The following NOL4 variants were observed in gnomAD, a reference collection of about 807,000 sequenced individuals.
NOL4 encodes nucleolar protein 4.
Under a neutral mutation model 75.9 loss-of-function variants are expected in NOL4, and 17 were observed. That is an observed-to-expected ratio of 0.22 (90% CI 0.15 to 0.34). NOL4 has a LOEUF of 0.34. Among genes scored for constraint, NOL4 ranks in the 10% least tolerant of loss-of-function variants. The pLI is 1.00. For missense variants in NOL4, 614 were observed against 793.5 expected, an observed-to-expected ratio of 0.77 and a Z score of 2.72; for synonymous variants, 292 against 289.9, an observed-to-expected ratio of 1.01 and a Z score of -0.07.
chr18:34,144,520 G>A (rs1392145376), intron 1 of NOL4, among the ~76,000 whole-genome samples: 1 of 152,056 alleles, frequency 6.6e-6, no homozygotes, highest in Non-Finnish European at 1.5e-5. Flanking sequence ...TAATTTGATA[G>A]AAAAACTAAC....
Position 33,864,919 on chromosome 18 carries a change from C to T in NOL4, c.1724-11884G>A, listed in dbSNP as rs115932003. Among the ~76,000 whole-genome samples, 852 of 152,232 alleles carry T rather than the reference C, an allele frequency of 5.6e-3. 1 individual carries two copies. The highest frequency in any genetic ancestry group is 0.019 in the African/African-American group (783 of 41,550). ...AACTGTCAAACACTAACAAAACCAT[C>T]GGATCTCATGAGAACTCACTTACCT... is the stretch of plus-strand genomic sequence containing the variant. On this transcript the variant is annotated intron_variant, in intron 10 of 10. Coordinates refer to ENST00000261592, the MANE Select transcript of NOL4 (RefSeq NM_003787.5).
intron 2 of NOL4, among the ~76,000 whole-genome samples, chr18:34,127,399 T>C (rs918922066): frequency 6.6e-6 from 1 of 151,860 alleles, no homozygotes; most frequent in African/African-American, 2.4e-5. Context: ...TTCTTGGCCA[T>C]GTAGGAAAAA....
chr18:34,076,672 C>T (rs532478900), intron 5 of NOL4, among the ~76,000 whole-genome samples: 15 of 152,138 alleles, frequency 9.9e-5, no homozygotes, highest in Admixed American at 9.2e-4. Flanking sequence ...TCCTCCTATG[C>T]GTCCGAGTTC....
chr18:34,194,465 C>A (rs151291455), intron 1 of NOL4, among the ~76,000 whole-genome samples: 703 of 81,808 alleles, frequency 8.6e-3, no homozygotes, highest in Non-Finnish European at 0.011. Context: ...GGAAGGCAGG[C>A]AGGCAGGCAG....
At chr18:33,900,414 T>A (rs1337820129) in intron 9 of NOL4, among the ~76,000 whole-genome samples, 8 of 152,064 alleles carry the variant, frequency 5.3e-5, no homozygotes, top group East Asian at 3.9e-4. Context: ...TGGACAAATA[T>A]CCAAACCATA....
intron 5 of NOL4, among the ~76,000 whole-genome samples, chr18:34,036,147 A>G (rs925693031): frequency 1.6e-4 from 24 of 152,198 alleles, no homozygotes; most frequent in Non-Finnish European, 1.6e-4. Flanking sequence ...CCCTGATACC[A>G]AAACCAGACA....
chr18:34,005,175 T>A (rs2073964176), intron 6 of NOL4, among the ~76,000 whole-genome samples: 1 of 152,124 alleles, frequency 6.6e-6, no homozygotes, highest in African/African-American at 2.4e-5. Flanking sequence ...GAAGAAATCA[T>A]ATATTGGTTC....
intron 9 of NOL4, among the ~76,000 whole-genome samples, chr18:33,929,816 T>C (rs1042543307): frequency 3.0e-4 from 46 of 152,268 alleles, no homozygotes; most frequent in Non-Finnish European, 6.3e-4. Context: ...TCCTTGTTGA[T>C]ACAGATATAT....
intron 2 of NOL4, among the ~76,000 whole-genome samples, chr18:34,107,586 C>T (rs1443319844): frequency 5.3e-5 from 8 of 151,646 alleles, no homozygotes; most frequent in African/African-American, 1.5e-4. Context: ...CCACAGAGTC[C>T]TCCTATGCAC....
intron 5 of NOL4, among the ~76,000 whole-genome samples, chr18:34,028,467 T>C (rs1315608181): frequency 1.3e-5 from 2 of 152,218 alleles, no homozygotes; most frequent in African/African-American, 4.8e-5. Flanking sequence ...CAAATCAACA[T>C]GCCAACAGCC....
chr18:34,174,511 A>G (rs1309615572), intron 1 of NOL4, among the ~76,000 whole-genome samples: 1 of 152,060 alleles, frequency 6.6e-6, no homozygotes, highest in African/African-American at 2.4e-5. Flanking sequence ...CTTGAAAAAT[A>G]ATGGTCCACA....
At chr18:34,027,539 T>C (rs985684561) in intron 5 of NOL4, among the ~76,000 whole-genome samples, 1 of 152,188 alleles carries the variant, frequency 6.6e-6, no homozygotes, top group Non-Finnish European at 1.5e-5. Flanking sequence ...TTGTGTATAG[T>C]AGATATTCAG....
At chr18:33,898,726 C>T (rs1426811599) in intron 9 of NOL4, among the ~76,000 whole-genome samples, 1 of 152,172 alleles carries the variant, frequency 6.6e-6, no homozygotes, top group Non-Finnish European at 1.5e-5. Context: ...TTCATATTCA[C>T]ATCTTCTTAA....
chr18:33,958,104 G>A, intron 7 of NOL4, 135 bp downstream of exon 7: 2 of 825,756 alleles, frequency 2.4e-6, no homozygotes, highest in Non-Finnish European at 1.9e-6. Context: ...TTGGCAAAGA[G>A]TGTTTCATGT....
chr18:34,039,900 T>A (rs1225617524), intron 5 of NOL4, among the ~76,000 whole-genome samples: 2 of 152,006 alleles, frequency 1.3e-5, no homozygotes. Context: ...CAGCATTCAA[T>A]AAATTGCATG....
intron 5 of NOL4, among the ~76,000 whole-genome samples, chr18:34,048,006 T>C (rs2076459705): frequency 6.6e-6 from 1 of 152,122 alleles, no homozygotes; most frequent in Non-Finnish European, 1.5e-5. Context: ...TTTTAAAATA[T>C]GTATGCATAA....
intron 2 of NOL4, among the ~76,000 whole-genome samples, chr18:34,108,421 A>G (rs1415870675): frequency 6.6e-6 from 1 of 152,178 alleles, no homozygotes; most frequent in African/African-American, 2.4e-5. Context: ...TTTAAAAAAA[A>G]AAGAACTAAC....
intron 1 of NOL4, among the ~76,000 whole-genome samples, chr18:34,195,165 A>G (rs960185665): frequency 1.3e-5 from 2 of 152,222 alleles, no homozygotes; most frequent in African/African-American, 4.8e-5. Flanking sequence ...TGAAAAGTTT[A>G]CAGTAAAAAA....
intron 9 of NOL4, among the ~76,000 whole-genome samples, chr18:33,918,720 G>A (rs969180323): frequency 1.6e-4 from 25 of 152,154 alleles, no homozygotes; most frequent in Non-Finnish European, 3.2e-4. Context: ...TGGCATATAT[G>A]TTTGGGTGAT....
Sources: allele counts gnomAD v4.1 joint callset (sites outside exome capture counted in the v4.1 genomes callset), GRCh38; gene constraint gnomAD v4.1.1; transcripts MANE v1.5; gene names NCBI Gene and HGNC (gene_info 2026-07-23, HGNC 2026-07-21).